Variants in MKX observed in about 807,000 individuals in gnomAD.
The protein encoded by MKX is mohawk homeobox.
A neutral mutation model predicts 36.0 loss-of-function variants in MKX; 13 were observed. The ratio of observed to expected loss-of-function variants is 0.36; its 90% CI spans 0.24 to 0.57. MKX has a LOEUF of 0.57. Ranked by LOEUF, MKX falls within the 20% of genes least tolerant of loss-of-function variation. The pLI is 0.79. For missense variants in MKX, 458 were observed against 456.4 expected (o/e 1.00, Z -0.03); for synonymous variants, 176 against 178.3 (o/e 0.99, Z 0.10).
At chr10:27,729,742 C>T (rs946043117) in intron 5 of MKX, among the ~76,000 whole-genome samples, 4 of 152,166 alleles carry the variant, frequency 2.6e-5, no homozygotes, top group African/African-American at 9.6e-5. Context: ...TTTACTCTTT[C>T]TTAGAATCCT....
intron 5 of MKX, among the ~76,000 whole-genome samples, chr10:27,703,455 C>T (rs1421297149): frequency 6.6e-6 from 1 of 151,164 alleles, no homozygotes; most frequent in Non-Finnish European, 1.5e-5. Context: ...CAGCAACTTA[C>T]ATAACACCAC....
At chr10:27,681,441 C>G (rs1836252574) in intron 5 of MKX, among the ~76,000 whole-genome samples, 1 of 151,044 alleles carries the variant, frequency 6.6e-6, no homozygotes, top group Non-Finnish European at 1.5e-5. Flanking sequence ...GAGCAGGACT[C>G]CATCGCAAAA....
At position 27,744,504 on chromosome 10, in the gene MKX, C is replaced by G. The variant is rs1907377; in HGVS notation, c.-82-1007G>C. Among the ~76,000 whole-genome samples the G allele has an allele frequency of 0.92, 139,659 of 152,066 alleles. 64,148 individuals carry two copies. Among genetic ancestry groups the G allele is most frequent in the East Asian group, 1 (5,092 of 5,094 alleles). ...CCCTGAGCCTCTGCCTGCCGCGCACCGGCGTCAGGAGCAAGTCCGCGCGGC... is the reference window on the plus strand; with the variant it reads ...CCCTGAGCCTCTGCCTGCCGCGCACGGGCGTCAGGAGCAAGTCCGCGCGGC... On this transcript the variant is annotated intron_variant, in intron 1 of 6. Coordinates refer to ENST00000419761, the MANE Select transcript of MKX (RefSeq NM_173576.3). This position sits in a 1 kb window ranked among gnomAD's most constrained non-coding sequence, Gnocchi z 5.6.
At chr10:27,727,087 A>T (rs571038840) in intron 5 of MKX, among the ~76,000 whole-genome samples, 1 of 152,344 alleles carries the variant, frequency 6.6e-6, no homozygotes, top group East Asian at 1.9e-4. Flanking sequence ...ATTTGCCCAC[A>T]TTCAGCCAAA....
chr10:27,687,508 G>A (rs1421525601), intron 5 of MKX, among the ~76,000 whole-genome samples: 2 of 152,188 alleles, frequency 1.3e-5, no homozygotes, highest in South Asian at 4.1e-4. Context: ...GCCCTGGCTG[G>A]TGGCTCTTTA....
In MKX at chr10:27,744,748, T is replaced by C; in HGVS notation, c.-83+959A>G. ...CACACACACACACACACACACACCCTTTGCCTCGCCAAGCGCCCACACTCG... is the reference window on the plus strand; with the variant it reads ...CACACACACACACACACACACACCCCTTGCCTCGCCAAGCGCCCACACTCG... On this transcript the variant is annotated intron_variant, in intron 1 of 6. Transcript: ENST00000419761. The surrounding 1 kb of genome is among the most constrained non-coding windows in gnomAD (Gnocchi z 5.6). 1 of 136,034 alleles carries C rather than the reference T, an allele frequency of 7.4e-6. No homozygotes were observed. Among genetic ancestry groups the C allele is most frequent in the Non-Finnish European group, 1.6e-5 (1 of 62,778 alleles). The allele number at this position is 136,034 out of a possible 1,614,324, so 8.4% of individuals were successfully genotyped here.
rs1002559436 is a variant in MKX at position 27,741,063 on chromosome 10, C to T, written c.348+282G>A. On this transcript the variant is annotated intron_variant, in intron 3 of 6. Transcript: ENST00000419761. This position sits in a 1 kb window ranked among gnomAD's most constrained non-coding sequence, Gnocchi z 5.1. ...GGGGCCTAGCGATTCGTGTTTTAAG[C>T]TCTCCAGGCGATTCTGATGCTCACT... Among the ~76,000 whole-genome samples, 1 of 152,224 alleles carries T rather than the reference C, an allele frequency of 6.6e-6. No individual in the cohort carries two copies. Among genetic ancestry groups the T allele is most frequent in the Non-Finnish European group, 1.5e-5 (1 of 68,044 alleles).
intron 5 of MKX, among the ~76,000 whole-genome samples, chr10:27,732,101 T>C (rs1167152084): frequency 6.6e-6 from 1 of 152,214 alleles, no homozygotes; most frequent in Non-Finnish European, 1.5e-5. Context: ...TCAAGTATTT[T>C]CATAGTATCA....
At chr10:27,696,968 C>T (rs1001952037) in intron 5 of MKX, among the ~76,000 whole-genome samples, 4 of 152,178 alleles carry the variant, frequency 2.6e-5, no homozygotes, top group African/African-American at 9.7e-5. Flanking sequence ...TTATACCCAT[C>T]CTTTTCACAA....
intron 5 of MKX, among the ~76,000 whole-genome samples, chr10:27,732,848 A>G (rs1030581308): frequency 3.9e-5 from 6 of 152,016 alleles, no homozygotes; most frequent in African/African-American, 1.2e-4. Context: ...CCTGGGCTCA[A>G]GCGGTCCTCC....
intron 5 of MKX, among the ~76,000 whole-genome samples, chr10:27,700,911 C>T (rs1176369560): frequency 6.6e-6 from 1 of 152,040 alleles, no homozygotes; most frequent in Non-Finnish European, 1.5e-5. Flanking sequence ...TTCCCTGACT[C>T]CTGTTCTGTA....
chr10:27,675,456 T>C, intron 6 of MKX, 41 bp from the exon 7 acceptor site: 2 of 1,613,992 alleles, frequency 1.2e-6, no homozygotes, highest in Non-Finnish European at 1.7e-6. Context: ...TCAAACTCAC[T>C]GCAGTTTGCA....
At chr10:27,703,513 T>A (rs997540995) in intron 5 of MKX, among the ~76,000 whole-genome samples, 1 of 76,312 alleles carries the variant, frequency 1.3e-5, no homozygotes, top group African/African-American at 4.4e-5. Context: ...GAGAAAGACA[T>A]CTATGGAAAA....
rs566727050 is a variant in MKX at position 27,713,572 on chromosome 10, T to G, written c.838+20884A>C. On this transcript the variant is annotated intron_variant, in intron 5 of 6. Transcript: ENST00000419761. ...TTCTGGCTCTGCCATTAAGTAGCTG[T>G]GCAAGAGATGATCACTCCCTCCCAC... is the stretch of plus-strand genomic sequence containing the variant. Among the ~76,000 whole-genome samples the G allele has an allele frequency of 1.1e-4, 17 of 152,256 alleles. No homozygotes were observed. In the South Asian group the frequency reaches 2.5e-3, roughly 22 times the overall value.
At chr10:27,706,142 G>T (rs1564354297) in intron 5 of MKX, among the ~76,000 whole-genome samples, 2 of 151,868 alleles carry the variant, frequency 1.3e-5, no homozygotes, top group East Asian at 3.9e-4. Context: ...TTGTCATTCT[G>T]TGACTGACTT....
chr10:27,692,898 A>G (rs1368835774), intron 5 of MKX, among the ~76,000 whole-genome samples: 1 of 152,208 alleles, frequency 6.6e-6, no homozygotes, highest in Admixed American at 6.5e-5. Context: ...CTAAAGAGGA[A>G]CAGGGACTAG....
chr10:27,688,320 G>A (rs1836393515), intron 5 of MKX, among the ~76,000 whole-genome samples: 1 of 152,132 alleles, frequency 6.6e-6, no homozygotes, highest in Non-Finnish European at 1.5e-5. Flanking sequence ...ATTATGTAAG[G>A]AGAAAATATT....
intron 5 of MKX, among the ~76,000 whole-genome samples, chr10:27,695,902 TG>T (rs1836545045): frequency 6.6e-6 from 1 of 152,216 alleles, no homozygotes; most frequent in South Asian, 2.1e-4. Flanking sequence ...ACTTTAGAAC[TG>T]GGAGTTTATG....
chr10:27,678,062 T>A (rs1836186112), intron 5 of MKX, among the ~76,000 whole-genome samples: 1 of 152,250 alleles, frequency 6.6e-6, no homozygotes, highest in African/African-American at 2.4e-5. Context: ...ACTTACTACG[T>A]GCCAGGCACA....
Sources: gnomAD v4.1 joint callset for allele counts (sites outside exome capture counted in the v4.1 genomes callset) on GRCh38, gnomAD v4.1.1 for gene constraint, Gnocchi (gnomAD v3.1) non-coding constraint, MANE v1.5 for transcripts, NCBI Gene and HGNC (gene_info 2026-07-23, HGNC 2026-07-21) for gene names.